OCA2: variants seen among roughly 807,000 people sequenced by gnomAD.
OCA2 encodes OCA2 melanosomal transmembrane protein.
OCA2 carries 77 observed loss-of-function variants against 100.2 expected under a neutral mutation model. That is an observed-to-expected ratio of 0.77 (90% confidence interval 0.64 to 0.93). The LOEUF (loss-of-function observed/expected upper bound fraction) is 0.93, where lower values mean the gene tolerates loss of function less well. OCA2 is among the 40% of genes least tolerant of loss of function. The probability of loss-of-function intolerance (pLI) is 0.00; values close to 1 mark genes in which losing one functional copy is unlikely to be tolerated. For synonymous variants in OCA2, 432 were observed against 439.2 expected, an observed-to-expected ratio of 0.98 and a Z score of 0.21; for missense variants, 1,062 against 1,089.1, an observed-to-expected ratio of 0.98 and a Z score of 0.35.
chr15:27,825,616 G>A (rs1181494617), intron 23 of OCA2, among the ~76,000 whole-genome samples: 1 of 152,200 alleles, frequency 6.6e-6, no homozygotes, highest in African/African-American at 2.4e-5. Flanking sequence ...CAGGGAACCT[G>A]AGAAGTTCGC....
At chr15:27,992,851 A>G (rs4499192) in intron 9 of OCA2, among the ~76,000 whole-genome samples, 150,929 of 152,298 alleles carry the variant, frequency 0.99, 74,791 homozygotes, top group African/African-American at 1. Context: ...GGCCTGGCAC[A>G]GTGGCTCACA....
the OCA2 span, among the ~76,000 whole-genome samples, chr15:27,734,085 G>A: frequency 6.6e-6 from 1 of 150,990 alleles, no homozygotes; most frequent in East Asian, 1.9e-4. Context: ...GCTTGAGCCT[G>A]GCAGGCAGAG....
chr15:27,992,643 G>C (rs1398728233), intron 9 of OCA2, among the ~76,000 whole-genome samples: 1 of 152,202 alleles, frequency 6.6e-6, no homozygotes, highest in Non-Finnish European at 1.5e-5. Flanking sequence ...TTCATTAGTA[G>C]AACAGGATGT....
intron 19 of OCA2, among the ~76,000 whole-genome samples, chr15:27,907,795 A>G (rs1034388371): frequency 2.6e-5 from 4 of 152,202 alleles, no homozygotes; most frequent in Non-Finnish European, 5.9e-5. Context: ...CAGATTGCCA[A>G]TATTGACCCC....
At position 27,967,052 on chromosome 15, in the gene OCA2, C is replaced by A. The variant is rs550667650; in HGVS notation, c.1504-230G>T. Among the ~76,000 whole-genome samples the A allele has an allele frequency of 2.7e-3, 405 of 152,282 alleles. 2 individuals carry two copies. Among genetic ancestry groups the A allele is most frequent in the Non-Finnish European group, 4.0e-3 (273 of 68,026 alleles). ...GGCTGAGGCAGGAGAATGGCGTGAA[C>A]CCGAGAGGCGGAACTTGCAGTGAGC... On this transcript the variant is annotated intron_variant, in intron 14 of 23. Transcript: ENST00000354638.
intron 14 of OCA2, among the ~76,000 whole-genome samples, chr15:27,977,691 A>G (rs1196868611): frequency 6.6e-6 from 1 of 152,130 alleles, no homozygotes; most frequent in Non-Finnish European, 1.5e-5. Flanking sequence ...TCGCCCCCTC[A>G]ATGGGGTGGT....
intron 13 of OCA2, 97 bp from the exon 14 acceptor site, chr15:27,983,580 G>A: frequency 7.6e-7 from 1 of 1,311,804 alleles, no homozygotes; most frequent in Admixed American, 1.7e-5. Context: ...GCTCGTATAA[G>A]GGAGGCGCGC....
At chr15:27,933,784 G>A (rs1183056599) in intron 18 of OCA2, among the ~76,000 whole-genome samples, 1 of 152,172 alleles carries the variant, frequency 6.6e-6, no homozygotes, top group Non-Finnish European at 1.5e-5. Context: ...ATGTTGTAAG[G>A]TTGGTCAATC....
chr15:27,736,443 C>G, the OCA2 span, among the ~76,000 whole-genome samples: 1 of 152,154 alleles, frequency 6.6e-6, no homozygotes, highest in Non-Finnish European at 1.5e-5. Context: ...ATCTGAAAGG[C>G]AGGACACAGA....
downstream of OCA2, among the ~76,000 whole-genome samples, chr15:27,754,657 C>T (rs749640879): frequency 1.3e-5 from 2 of 152,236 alleles, no homozygotes; most frequent in African/African-American, 2.4e-5. Context: ...CTGAGGGTAT[C>T]GAGTGTACGT....
At chr15:27,997,037 G>GAGAGAGAAAGAA (rs1555370238) in intron 9 of OCA2, among the ~76,000 whole-genome samples, 30 of 141,856 alleles carry the variant, frequency 2.1e-4, no homozygotes, top group Non-Finnish European at 2.6e-4. Flanking sequence ...AAGAGAGAGA[G>GAGAGAGAAAGAA]AGAGAAAGAA....
intron 23 of OCA2, among the ~76,000 whole-genome samples, chr15:27,814,541 G>A (rs2034203629): frequency 6.6e-6 from 1 of 152,138 alleles, no homozygotes; most frequent in Non-Finnish European, 1.5e-5. Flanking sequence ...CAATCTTTAA[G>A]ATTATTGTAT....
At chr15:27,967,231 G>C (rs1352257712) in intron 14 of OCA2, among the ~76,000 whole-genome samples, 1 of 152,172 alleles carries the variant, frequency 6.6e-6, no homozygotes. Context: ...AGGAGGGAAG[G>C]GGCTCACCAG....
At chr15:27,808,222 G>A (rs2033935490) in intron 23 of OCA2, among the ~76,000 whole-genome samples, 1 of 152,220 alleles carries the variant, frequency 6.6e-6, no homozygotes, top group Admixed American at 6.5e-5. Context: ...GGAGGAAGTG[G>A]AAGAACTCCC....
intron 18 of OCA2, among the ~76,000 whole-genome samples, chr15:27,933,389 G>GGA (rs58897067): frequency 0.44 from 66,119 of 149,556 alleles, 15,588 homozygotes; most frequent in Non-Finnish European, 0.51. Flanking sequence ...GAGGTGAAAT[G>GGA]GAGTCATTGC....
intron 19 of OCA2, among the ~76,000 whole-genome samples, chr15:27,879,136 C>G (rs1034460997): frequency 6.6e-6 from 1 of 152,050 alleles, no homozygotes; most frequent in Non-Finnish European, 1.5e-5. Context: ...GCTAACTTGC[C>G]GAGGATAACA....
At chr15:28,084,817 T>A (rs1255089981) in intron 1 of OCA2, among the ~76,000 whole-genome samples, 1 of 152,244 alleles carries the variant, frequency 6.6e-6, no homozygotes, top group Non-Finnish European at 1.5e-5. Flanking sequence ...AACAGGCTCC[T>A]GCATCCTCAC....
chr15:27,982,273 G>T (rs1322017257), intron 14 of OCA2, among the ~76,000 whole-genome samples: 1 of 152,184 alleles, frequency 6.6e-6, no homozygotes, highest in Non-Finnish European at 1.5e-5. Context: ...GTGCATGTCT[G>T]TGAGACTTCT....
At chr15:28,007,427 CA>C (rs1354114081) in intron 9 of OCA2, among the ~76,000 whole-genome samples, 4 of 152,194 alleles carry the variant, frequency 2.6e-5, no homozygotes, top group Non-Finnish European at 5.9e-5. Context: ...GGACTTTCAA[CA>C]AGAACTACTT....
Sources: gnomAD v4.1 joint callset for allele counts (sites outside exome capture counted in the v4.1 genomes callset) on GRCh38, gnomAD v4.1.1 for gene constraint, MANE v1.5 for transcripts, NCBI Gene and HGNC (gene_info 2026-07-23, HGNC 2026-07-21) for gene names.